Variants in ZNF516 observed in about 807,000 individuals in gnomAD.
The protein encoded by ZNF516 is zinc finger protein 516.
Under a neutral mutation model 79.7 loss-of-function variants are expected in ZNF516, and 19 were observed. The ratio of observed to expected loss-of-function variants is 0.24; its 90% confidence interval spans 0.17 to 0.35. The LOEUF is 0.35. Among genes scored for constraint, ZNF516 ranks in the 10% least tolerant of loss-of-function variants. The pLI, the probability that ZNF516 is intolerant of heterozygous loss-of-function variation, is 1.00. For missense variants in ZNF516, 1,678 were observed against 1,679.5 expected (o/e 1.00, Z 0.02); for synonymous variants, 877 against 739.5 (o/e 1.19, Z -3.02).
chr18:76,488,531 G>A (rs908462055), intron 1 of ZNF516, among the ~76,000 whole-genome samples: 18 of 151,520 alleles, frequency 1.2e-4, no homozygotes, highest in Admixed American at 2.6e-4. Flanking sequence ...TGAGGGGGAG[G>A]GGGAGGGGGA....
At chr18:76,419,726 C>T (rs1421139383) in intron 3 of ZNF516, among the ~76,000 whole-genome samples, 1 of 152,220 alleles carries the variant, frequency 6.6e-6, no homozygotes, top group Non-Finnish European at 1.5e-5. Flanking sequence ...TTCTCCTTCA[C>T]CTTCTACCAT....
At chr18:76,414,472 G>C (rs1250380965) in intron 3 of ZNF516, among the ~76,000 whole-genome samples, 1 of 152,168 alleles carries the variant, frequency 6.6e-6, no homozygotes, top group Admixed American at 6.5e-5. Context: ...GGCAATACAG[G>C]CAATGCTGAA....
chr18:76,463,529 C>T (rs1279448628), intron 1 of ZNF516, among the ~76,000 whole-genome samples: 2 of 152,244 alleles, frequency 1.3e-5, no homozygotes, highest in Non-Finnish European at 2.9e-5. Flanking sequence ...GCATGGACTG[C>T]GCTTGGTGTG....
Position 76,441,669 on chromosome 18 carries a change from C to T in ZNF516, c.1386G>A (p.Glu462=). 1 of 1,552,500 alleles carries T rather than the reference C, an allele frequency of 6.4e-7. No homozygotes were observed. The highest frequency in any genetic ancestry group is 2.4e-5 in the East Asian group (1 of 41,290). The change falls in exon 3 of 7, where the codon GAG becomes GAA. Residue 462 remains glutamate (E), a synonymous_variant. Coordinates refer to ENST00000443185, the MANE Select transcript of ZNF516 (RefSeq NM_014643.4). ...DRREYVLVSQ[E]KRKREQDAPA... ...GTGCATCCTGCTCACGCTTGCGCTT[C>T]TCCTGGCTCACCAGGACGTACTCGC...
At chr18:76,481,730 G>C (rs1914534134) in intron 1 of ZNF516, among the ~76,000 whole-genome samples, 1 of 152,232 alleles carries the variant, frequency 6.6e-6, no homozygotes, top group East Asian at 1.9e-4. Flanking sequence ...AATGTTTGTT[G>C]AAAGAAAATG....
chr18:76,369,073 A>T (rs1220631654), intron 6 of ZNF516, among the ~76,000 whole-genome samples: 3 of 152,206 alleles, frequency 2.0e-5, no homozygotes, highest in Non-Finnish European at 4.4e-5. Flanking sequence ...TCCAGTTGTA[A>T]CATCAACTTG....
At chr18:76,461,563 A>C (rs1223413232) in intron 2 of ZNF516, among the ~76,000 whole-genome samples, 2 of 152,192 alleles carry the variant, frequency 1.3e-5, no homozygotes, top group African/African-American at 2.4e-5. Context: ...GTCACCTATA[A>C]CTTCTGCAAT....
chr18:76,468,411 T>C (rs1913623789), intron 1 of ZNF516, among the ~76,000 whole-genome samples: 1 of 150,820 alleles, frequency 6.6e-6, no homozygotes, highest in Non-Finnish European at 1.5e-5. Flanking sequence ...GGCTCATCAT[T>C]AGTGTCTTTT....
intron 1 of ZNF516, among the ~76,000 whole-genome samples, chr18:76,478,029 T>A (rs1306855068): frequency 6.6e-6 from 1 of 152,002 alleles, no homozygotes; most frequent in Non-Finnish European, 1.5e-5. Context: ...GGAGGTTATC[T>A]TTCCCACGAA....
At chr18:76,475,690 T>C (rs1914132726) in intron 1 of ZNF516, among the ~76,000 whole-genome samples, 1 of 152,078 alleles carries the variant, frequency 6.6e-6, no homozygotes. Context: ...TGCCAGTGGG[T>C]CCATGCTCTG....
At chr18:76,422,365 A>G (rs2075519830) in intron 3 of ZNF516, among the ~76,000 whole-genome samples, 1 of 152,240 alleles carries the variant, frequency 6.6e-6, no homozygotes, top group African/African-American at 2.4e-5. Context: ...GATGATGACC[A>G]TGTACTCATA....
At chr18:76,434,559 C>G (rs2075705086) in intron 3 of ZNF516, among the ~76,000 whole-genome samples, 1 of 152,170 alleles carries the variant, frequency 6.6e-6, no homozygotes, top group Non-Finnish European at 1.5e-5. Context: ...TAACTTCCTA[C>G]GTGGCAGGAA....
intron 3 of ZNF516, among the ~76,000 whole-genome samples, chr18:76,404,475 ATG>A (rs1376692637): frequency 2.6e-5 from 4 of 151,864 alleles, no homozygotes; most frequent in Non-Finnish European, 5.9e-5. Context: ...GTGTTTGTGC[ATG>A]TGAGCATGTA....
intron 2 of ZNF516, among the ~76,000 whole-genome samples, chr18:76,461,781 T>C (rs689337): frequency 0.99 from 151,521 of 152,354 alleles, 75,356 homozygotes; most frequent in Middle Eastern, 1. Flanking sequence ...GCTTGAGGCT[T>C]GTCGCCAACA....
At chr18:76,432,789 A>AGG (rs1281374153) in intron 3 of ZNF516, among the ~76,000 whole-genome samples, 1 of 152,204 alleles carries the variant, frequency 6.6e-6, no homozygotes, top group African/African-American at 2.4e-5. Context: ...CCCCATGCCC[A>AGG]GGGTCACTCG....
intron 1 of ZNF516, among the ~76,000 whole-genome samples, chr18:76,469,707 G>A (rs1482318517): frequency 6.6e-6 from 1 of 152,138 alleles, no homozygotes; most frequent in Non-Finnish European, 1.5e-5. Flanking sequence ...AGAAAGTCCT[G>A]GAATCTGAAA....
intron 3 of ZNF516, among the ~76,000 whole-genome samples, chr18:76,411,695 C>T (rs531828643): frequency 1.2e-4 from 18 of 152,290 alleles, no homozygotes; most frequent in African/African-American, 4.3e-4. Flanking sequence ...CGCTTGACTA[C>T]GGAGAGGGCT....
chr18:76,447,695 T>A (rs1912142076), intron 2 of ZNF516, among the ~76,000 whole-genome samples: 1 of 152,218 alleles, frequency 6.6e-6, no homozygotes, highest in African/African-American at 2.4e-5. Flanking sequence ...CAGGGACCCA[T>A]CTGAACACAT....
chr18:76,453,698 T>C (rs1912554264), intron 2 of ZNF516, among the ~76,000 whole-genome samples: 3 of 152,228 alleles, frequency 2.0e-5, no homozygotes, highest in Admixed American at 6.5e-5. Context: ...AGTGTCTTAA[T>C]ATAAAATTTC....
Sources: allele counts gnomAD v4.1 joint callset (sites outside exome capture counted in the v4.1 genomes callset), GRCh38; gene constraint gnomAD v4.1.1; transcripts MANE v1.5; gene names NCBI Gene and HGNC (gene_info 2026-07-23, HGNC 2026-07-21).